The following DCDC1 variants were observed in gnomAD, a reference collection of about 807,000 sequenced individuals.
The protein encoded by DCDC1 is doublecortin domain containing 1.
In DCDC1, 200 loss-of-function variants were observed where a neutral mutation model predicts 178.3. That is an observed-to-expected ratio of 1.12 (90% CI 1.00 to 1.26). DCDC1 has a LOEUF of 1.26. Among genes scored for constraint, DCDC1 ranks in the 50% most tolerant of loss-of-function variants. The pLI is 0.00. For synonymous variants in DCDC1, 690 were observed against 604.8 expected (o/e 1.14, Z -2.07); for missense variants, 1,983 against 1,749.2 (o/e 1.13, Z -2.38).
intron 21 of DCDC1, among the ~76,000 whole-genome samples, chr11:30,944,976 T>A (rs934158708): frequency 0.018 from 2,475 of 139,480 alleles, 84 homozygotes; most frequent in African/African-American, 0.064. Context: ...TTTTTTTTTT[T>A]TTTTTTTTTT....
chr11:30,951,243 G>C (rs1565115645), intron 21 of DCDC1, among the ~76,000 whole-genome samples: 1 of 151,996 alleles, frequency 6.6e-6, no homozygotes, highest in African/African-American at 2.4e-5. Context: ...AAACCAACCA[G>C]AGAAAAAAGA....
chr11:31,321,712 C>G (rs1002732105), intron 3 of DCDC1, among the ~76,000 whole-genome samples: 115 of 152,312 alleles, frequency 7.6e-4, no homozygotes, highest in South Asian at 1.2e-3. Flanking sequence ...ATTGTGTTCA[C>G]TCAGCTAATC....
At chr11:31,159,825 C>A (rs1314139773) in intron 9 of DCDC1, among the ~76,000 whole-genome samples, 1 of 152,166 alleles carries the variant, frequency 6.6e-6, no homozygotes, top group South Asian at 2.1e-4. Context: ...TGGCATGATC[C>A]TGTGTAAGAA....
chr11:30,914,622 C>T (rs1441972060), intron 27 of DCDC1, among the ~76,000 whole-genome samples: 19 of 126,198 alleles, frequency 1.5e-4, no homozygotes, highest in Admixed American at 6.9e-4. Flanking sequence ...AGAAATGTTC[C>T]ATATGCACCC....
intron 36 of DCDC1, among the ~76,000 whole-genome samples, chr11:30,890,269 T>C (rs963672280): frequency 2.0e-5 from 3 of 152,256 alleles, no homozygotes; most frequent in African/African-American, 7.2e-5. Flanking sequence ...CATATGCTTT[T>C]AAACAATCTC....
chr11:31,299,247 GAC>G (rs1358513064), intron 6 of DCDC1, among the ~76,000 whole-genome samples: 1 of 152,094 alleles, frequency 6.6e-6, no homozygotes, highest in Admixed American at 6.6e-5. Flanking sequence ...AACTAATAAT[GAC>G]AGTGGTTGTC....
intron 8 of DCDC1, among the ~76,000 whole-genome samples, chr11:31,248,067 T>A (rs530057447): frequency 2.0e-5 from 3 of 152,064 alleles, no homozygotes; most frequent in Admixed American, 6.6e-5. Flanking sequence ...TAAAGTTCCA[T>A]ACAAAAACTT....
chr11:31,054,172 A>G (rs1245669377), intron 20 of DCDC1, among the ~76,000 whole-genome samples: 2 of 151,656 alleles, frequency 1.3e-5, no homozygotes, highest in African/African-American at 4.8e-5. Flanking sequence ...TCTTCTACAC[A>G]CCAACAGTGA....
At chr11:31,073,612 CCTT>C (rs150826163) in intron 18 of DCDC1, among the ~76,000 whole-genome samples, 1,829 of 152,278 alleles carry the variant, frequency 0.012, 40 homozygotes, top group African/African-American at 0.04. Context: ...GTACAAGACT[CCTT>C]CTTCATCTAC....
At chr11:30,873,358 T>TAGAGAGAGAGAG (rs1185841948) in intron 38 of DCDC1, among the ~76,000 whole-genome samples, 49 of 138,042 alleles carry the variant, frequency 3.5e-4, no homozygotes, top group African/African-American at 1.4e-3. Context: ...TATATATATA[T>TAGAGAGAGAGAG]ATATATAGAG....
At chr11:31,301,756 A>T (rs1189294892) in intron 6 of DCDC1, among the ~76,000 whole-genome samples, 1 of 152,138 alleles carries the variant, frequency 6.6e-6, no homozygotes, top group Non-Finnish European at 1.5e-5. Flanking sequence ...TTTCACTGAC[A>T]CTTCTACATG....
At chr11:31,297,367 T>TA (rs1555169258) in intron 6 of DCDC1, among the ~76,000 whole-genome samples, 10 of 151,644 alleles carry the variant, frequency 6.6e-5, no homozygotes, top group African/African-American at 1.7e-4. Flanking sequence ...ATTTTTTTTT[T>TA]AATTTTTTTT....
chr11:31,261,114 T>C (rs537692776), intron 8 of DCDC1, among the ~76,000 whole-genome samples: 7 of 152,340 alleles, frequency 4.6e-5, no homozygotes, highest in African/African-American at 1.7e-4. Context: ...TGAATTTGAA[T>C]GTTAGCTCTT....
At chr11:30,879,392 A>T (rs983168111) in intron 37 of DCDC1, among the ~76,000 whole-genome samples, 1 of 152,124 alleles carries the variant, frequency 6.6e-6, no homozygotes, top group Non-Finnish European at 1.5e-5. Context: ...ATTTCTAATA[A>T]ATGAGTATTA....
At chr11:31,308,335 G>T (rs1414056859) in intron 3 of DCDC1, among the ~76,000 whole-genome samples, 4 of 152,216 alleles carry the variant, frequency 2.6e-5, no homozygotes, top group Non-Finnish European at 5.9e-5. Flanking sequence ...GCACTCTGCT[G>T]TTAAAAATAT....
chr11:30,920,693 C>A, intron 25 of DCDC1, 83 bp downstream of exon 25: 1 of 1,513,740 alleles, frequency 6.6e-7, no homozygotes, highest in South Asian at 1.3e-5. Context: ...GAGCTCCCTG[C>A]ATGGGCTCTG....
intron 20 of DCDC1, among the ~76,000 whole-genome samples, chr11:31,003,322 AT>A (rs978566996): frequency 3.3e-5 from 5 of 152,158 alleles, no homozygotes; most frequent in Non-Finnish European, 7.4e-5. Context: ...TGGGGGAAGC[AT>A]TTTAATAAAT....
chr11:31,131,039 G>A lies in DCDC1; in HGVS notation c.1315-3400C>T, dbSNP rs1446209653. Among the ~76,000 whole-genome samples, 2 of 82,178 alleles carry A rather than the reference G, an allele frequency of 2.4e-5. 1 individual carries two copies. The highest frequency in any genetic ancestry group is 8.3e-5 in the African/African-American group (2 of 24,090). The allele number at this position is 82,178 out of a possible 152,430, so 53.9% of individuals were successfully genotyped here. The stretch of plus-strand genomic sequence containing the variant: ...CTACTAAAAATACAAAAAATTAGCC[G>A]GGCGCGGTGGCGGGCGCCTGTAGTC... On this transcript the variant is annotated intron_variant, in intron 10 of 38. Coordinates refer to ENST00000684477, the MANE Select transcript of DCDC1 (RefSeq NM_001387274.1).
chr11:31,018,755 T>C (rs950597895), intron 20 of DCDC1, among the ~76,000 whole-genome samples: 3 of 152,182 alleles, frequency 2.0e-5, no homozygotes, highest in Non-Finnish European at 2.9e-5. Flanking sequence ...ATATTTAGTA[T>C]AATGTTGTGA....
Sources: gnomAD v4.1 joint callset for allele counts (sites outside exome capture counted in the v4.1 genomes callset) on GRCh38, gnomAD v4.1.1 for gene constraint, MANE v1.5 for transcripts, NCBI Gene and HGNC (gene_info 2026-07-23, HGNC 2026-07-21) for gene names.